IGSF3: variants seen among roughly 807,000 people sequenced by gnomAD.
The protein encoded by IGSF3 is glu-Trp-Ile EWI motif-containing protein 3.
In IGSF3, 23 loss-of-function variants were observed where a neutral mutation model predicts 114.4. That is an observed-to-expected ratio of 0.20 (90% CI 0.14 to 0.28). The LOEUF (loss-of-function observed/expected upper bound fraction) is 0.28, where lower values mean the gene tolerates loss of function less well. IGSF3 is among the 10% of genes least tolerant of loss of function. IGSF3 has a pLI of 1.00. For synonymous variants in IGSF3, 571 were observed against 645.2 expected, an observed-to-expected ratio of 0.88 and a Z score of 1.74; for missense variants, 1,172 against 1,591.5, an observed-to-expected ratio of 0.74 and a Z score of 4.48.
At chr1:116,639,683 A>G (rs956321583) in intron 2 of IGSF3, among the ~76,000 whole-genome samples, 3 of 152,260 alleles carry the variant, frequency 2.0e-5, no homozygotes, top group African/African-American at 7.2e-5. Flanking sequence ...TTTTCTAGCT[A>G]TAAGTGTCTG....
At chr1:116,622,341 T>C (rs1661450186) in intron 2 of IGSF3, among the ~76,000 whole-genome samples, 1 of 152,204 alleles carries the variant, frequency 6.6e-6, no homozygotes, top group Non-Finnish European at 1.5e-5. Flanking sequence ...TAAAATTTTA[T>C]CTCATTTCTG....
In IGSF3 at chr1:116,654,403, G is replaced by C. The variant is rs886218809; in HGVS notation, c.43+11881C>G. 6.6e-6 allele frequency among the ~76,000 whole-genome samples: 1 copy of C among 152,250 alleles called. No individual in the cohort carries two copies. Among genetic ancestry groups the C allele is most frequent in the Admixed American group, 6.5e-5 (1 of 15,288 alleles). ...CACCAGTGTCTCTGAGAAAAGTGCA[G>C]ATCAATGCCTCCTTAGGGTTAACCC... On this transcript the variant is annotated intron_variant, in intron 2 of 10. Transcript: ENST00000369486. This position sits in a 1 kb window ranked among gnomAD's most constrained non-coding sequence, Gnocchi z 4.4.
At chr1:116,630,149 C>T (rs566050128) in intron 2 of IGSF3, among the ~76,000 whole-genome samples, 8 of 152,220 alleles carry the variant, frequency 5.3e-5, no homozygotes, top group Non-Finnish European at 5.9e-5. Context: ...TTTGAACATT[C>T]GCTACAGGCT....
Position 116,648,342 on chromosome 1 carries a change from TAG to T in IGSF3, c.43+17940_43+17941del, listed in dbSNP as rs1201062112. Reference sequence around the variant, plus strand: ...GTCTGAAGGGTTTTCCTCTGGGTATTAGGAGTTGAGGTGTTCGGTTAGAGAAG... The same window carrying T: ...GTCTGAAGGGTTTTCCTCTGGGTATTGAGTTGAGGTGTTCGGTTAGAGAAG... On this transcript the variant is annotated intron_variant, in intron 2 of 10. Transcript: ENST00000369486. This position sits in a 1 kb window ranked among gnomAD's most constrained non-coding sequence, Gnocchi z 4.7. Among the ~76,000 whole-genome samples the T allele has an allele frequency of 6.6e-6, 1 of 152,130 alleles. No individual in the cohort carries two copies. The highest frequency in any genetic ancestry group is 1.5e-5 in the Non-Finnish European group (1 of 68,016).
chr1:116,641,676 G>A (rs189329127), intron 2 of IGSF3, among the ~76,000 whole-genome samples: 1 of 152,182 alleles, frequency 6.6e-6, no homozygotes, highest in Admixed American at 6.5e-5. Flanking sequence ...AGAGAGCAGA[G>A]CTGGCAGGAA....
rs1260226462 is a variant in IGSF3, at chr1:116,579,949, A to G, written c.2849-72T>C. The G allele has an allele frequency of 3.1e-6, 4 of 1,283,536 alleles. No individual in the cohort carries two copies. Among genetic ancestry groups the G allele is most frequent in the Non-Finnish European group, 4.2e-6 (4 of 941,536 alleles). The allele number at this position is 1,283,536 out of a possible 1,614,324, so 79.5% of individuals were successfully genotyped here. A position where few individuals can be genotyped will look rare whatever the true frequency, so the allele number is the denominator to read the frequency against. ...TTTGCTCAAAATAAACTAAATGTCC[A>G]TCATTAAACACATGATAGTAACATC... On this transcript the variant is annotated intron_variant, in intron 9 of 10. Coordinates refer to ENST00000369486, the MANE Select transcript of IGSF3 (RefSeq NM_001007237.3). This position sits in a 1 kb window ranked among gnomAD's most constrained non-coding sequence, Gnocchi z 6.4.
chr1:116,648,156 A>G lies in IGSF3; in HGVS notation c.43+18128T>C, dbSNP rs1448981417. Among the ~76,000 whole-genome samples, 1 of 152,192 alleles carries G rather than the reference A, an allele frequency of 6.6e-6. No homozygotes were observed. Among genetic ancestry groups the G allele is most frequent in the Non-Finnish European group, 1.5e-5 (1 of 68,036 alleles). Reference sequence around the variant, plus strand: ...CAAGAACGCAACAGCAGCAGCAAACACTGATCTGATGACACCCCAGTTTTG... The same window carrying G: ...CAAGAACGCAACAGCAGCAGCAAACGCTGATCTGATGACACCCCAGTTTTG... On this transcript the variant is annotated intron_variant, in intron 2 of 10. Coordinates refer to ENST00000369486, the MANE Select transcript of IGSF3 (RefSeq NM_001007237.3). The surrounding 1 kb of genome is among the most constrained non-coding windows in gnomAD (Gnocchi z 4.7).
At chr1:116,599,391 T>TACAC (rs35774720) in intron 7 of IGSF3, among the ~76,000 whole-genome samples, 2,803 of 148,202 alleles carry the variant, frequency 0.019, 60 homozygotes, top group East Asian at 0.063. Context: ...CACATACATA[T>TACAC]ACACACACAC....
chr1:116,590,042 G>GT (rs759001652), intron 7 of IGSF3, among the ~76,000 whole-genome samples: 3 of 152,066 alleles, frequency 2.0e-5, no homozygotes, highest in Non-Finnish European at 4.4e-5. Context: ...ACGGCAACAG[G>GT]TAATTAGAGG....
rs1321948652 is a variant in IGSF3 at position 116,657,002 on chromosome 1, T to A, written c.43+9282A>T. On this transcript the variant is annotated intron_variant, in intron 2 of 10. Coordinates refer to ENST00000369486, the MANE Select transcript of IGSF3 (RefSeq NM_001007237.3). This position sits in a 1 kb window ranked among gnomAD's most constrained non-coding sequence, Gnocchi z 4.2. ...CTACCTCCTGAAGTAGAAACCAGTA[T>A]CTCTTCATCTTACGTTTACATAATA... is the stretch of plus-strand genomic sequence containing the variant. Among the ~76,000 whole-genome samples the A allele has an allele frequency of 6.6e-6, 1 of 152,172 alleles. No homozygotes were observed. The highest frequency in any genetic ancestry group is 2.4e-5 in the African/African-American group (1 of 41,434).
chr1:116,608,077 T>A lies in IGSF3; in HGVS notation c.1087A>T (p.Ile363Phe), dbSNP rs375451086. 299 of 1,613,912 alleles carry A rather than the reference T, an allele frequency of 1.9e-4. 1 individual carries two copies. Among genetic ancestry groups the A allele is most frequent in the Non-Finnish European group, 2.4e-4 (279 of 1,179,846 alleles). ...KESDSVFVLK[I>F]YHLRQEDSGK... ...CTATCTTCCTGGCGGAGGTGGTAGATCTTCAGCACAAAGACACTGTCGCTC... is the reference window on the plus strand; with the variant it reads ...CTATCTTCCTGGCGGAGGTGGTAGAACTTCAGCACAAAGACACTGTCGCTC... The change falls in exon 5 of 11, where the codon ATC (isoleucine) becomes TTC (phenylalanine). Residue 363 changes from isoleucine (I) to phenylalanine (F), a missense_variant. Around this residue, in one of 3 missense-constraint regions of IGSF3, gnomAD observed 736 missense variants for 1,042.0 expected, o/e 0.71. Coordinates refer to ENST00000369486, the MANE Select transcript of IGSF3 (RefSeq NM_001007237.3).
chr1:116,607,881 C>T lies in IGSF3; in HGVS notation c.1222+61G>A. 2.0e-6 allele frequency: 3 copies of T among 1,527,030 alleles called. No homozygotes were observed. The South Asian group carries it at 3.6e-5, about 18-fold the overall frequency. 94.6% of individuals were successfully genotyped at this position (1,527,030 alleles called of 1,614,324 possible). A position where few individuals can be genotyped will look rare whatever the true frequency, so the allele number is the denominator to read the frequency against. On this transcript the variant is annotated intron_variant, in intron 5 of 10. Coordinates refer to ENST00000369486, the MANE Select transcript of IGSF3 (RefSeq NM_001007237.3). This position sits in a 1 kb window ranked among gnomAD's most constrained non-coding sequence, Gnocchi z 6.1. ...CCTTCACCACGCTATTCTCTCTCCCCCTACCTCTCCTAAATGATGCTGAGC... is the reference window on the plus strand; with the variant it reads ...CCTTCACCACGCTATTCTCTCTCCCTCTACCTCTCCTAAATGATGCTGAGC...
chr1:116,592,807 T>TCTGA lies in IGSF3; in HGVS notation c.2030-3707_2030-3704dup, dbSNP rs1660174125. Reference sequence around the variant, plus strand: ...TTCTAAGCATATGCAGGGCAGGGACTCTGACCCAATCATTGTTAAACTAAT... The same window carrying TCTGA: ...TTCTAAGCATATGCAGGGCAGGGACTCTGACTGACCCAATCATTGTTAAACTAAT... On this transcript the variant is annotated intron_variant, in intron 7 of 10. Transcript: ENST00000369486. The surrounding 1 kb of genome is among the most constrained non-coding windows in gnomAD (Gnocchi z 4.5). Among the ~76,000 whole-genome samples the TCTGA allele has an allele frequency of 4.6e-5, 7 of 152,358 alleles. No individual in the cohort carries two copies. The South Asian group carries it at 1.0e-3, about 23-fold the overall frequency.
chr1:116,651,352 A>T lies in IGSF3; in HGVS notation c.43+14932T>A, dbSNP rs542915860. On this transcript the variant is annotated intron_variant, in intron 2 of 10. Coordinates refer to ENST00000369486, the MANE Select transcript of IGSF3 (RefSeq NM_001007237.3). This position sits in a 1 kb window ranked among gnomAD's most constrained non-coding sequence, Gnocchi z 4.4. ...TCTTTGGGCTACTGACAAGCACTCC[A>T]GACCCAAATACACATGCTCCCACCT... Among the ~76,000 whole-genome samples, 1 of 152,328 alleles carries T rather than the reference A, an allele frequency of 6.6e-6. No individual in the cohort carries two copies. Among genetic ancestry groups the T allele is most frequent in the East Asian group, 1.9e-4 (1 of 5,188 alleles).
chr1:116,663,249 C>A (rs1474253126), intron 2 of IGSF3, among the ~76,000 whole-genome samples: 1 of 152,122 alleles, frequency 6.6e-6, no homozygotes, highest in Non-Finnish European at 1.5e-5. Context: ...CTTACAGACA[C>A]AAATCCTATG....
Position 116,600,396 on chromosome 1 carries a change from G to A in IGSF3, c.1625-51C>T. On this transcript the variant is annotated intron_variant, in intron 6 of 10. Transcript: ENST00000369486. The surrounding 1 kb of genome is among the most constrained non-coding windows in gnomAD (Gnocchi z 5.5). ...CCAGAGGAGGCATGTGGCTTTCTCA[G>A]GGCAGTATGACATCAGCAATGGGGC... 6.7e-7 allele frequency: 1 copy of A among 1,499,730 alleles called. No individual in the cohort carries two copies. Among genetic ancestry groups the A allele is most frequent in the Non-Finnish European group, 9.1e-7 (1 of 1,095,788 alleles). The allele number at this position is 1,499,730 out of a possible 1,614,324, so 92.9% of individuals were successfully genotyped here.
chr1:116,666,460 G>A lies in IGSF3; in HGVS notation c.-134C>T. 1 of 828,442 alleles carries A rather than the reference G, an allele frequency of 1.2e-6. No individual in the cohort carries two copies. The allele number at this position is 828,442 out of a possible 1,614,324, so 51.3% of individuals were successfully genotyped here. A position where few individuals can be genotyped will look rare whatever the true frequency, so the allele number is the denominator to read the frequency against. On this transcript the variant is annotated 5_prime_UTR_variant, in exon 2 of 11. Coordinates refer to ENST00000369486, the MANE Select transcript of IGSF3 (RefSeq NM_001007237.3). ...GAACTTAACTCGGAAAATGGGAACA[G>A]ATTAAAAAGAAGAGATCAGAAGGAG...
chr1:116,595,348 C>G lies in IGSF3; in HGVS notation c.2029+4593G>C, dbSNP rs1372084372. Among the ~76,000 whole-genome samples, 1 of 152,058 alleles carries G rather than the reference C, an allele frequency of 6.6e-6. No individual in the cohort carries two copies. Among genetic ancestry groups the G allele is most frequent in the Non-Finnish European group, 1.5e-5 (1 of 68,010 alleles). On this transcript the variant is annotated intron_variant, in intron 7 of 10. Coordinates refer to ENST00000369486, the MANE Select transcript of IGSF3 (RefSeq NM_001007237.3). The surrounding 1 kb of genome is among the most constrained non-coding windows in gnomAD (Gnocchi z 4.2). ...CTTGGCACAGACAACAGGCAGAAGC[C>G]ACCTGGGATGGAAGAAGGAGAACCC...
At position 116,665,718 on chromosome 1, in the gene IGSF3, ATCTAAGCT is replaced by A. The variant is rs1331774602; in HGVS notation, c.43+558_43+565del. On this transcript the variant is annotated intron_variant, in intron 2 of 10. Coordinates refer to ENST00000369486, the MANE Select transcript of IGSF3 (RefSeq NM_001007237.3). This position sits in a 1 kb window ranked among gnomAD's most constrained non-coding sequence, Gnocchi z 4.0. ...AGGCTCTCCTTCTCCCAGAACTACGATCTAAGCTTCCTTGGTGAGGAGACACAGGACTA... is the reference window on the plus strand; with the variant it reads ...AGGCTCTCCTTCTCCCAGAACTACGATCCTTGGTGAGGAGACACAGGACTA... Among the ~76,000 whole-genome samples, 1 of 152,048 alleles carries A rather than the reference ATCTAAGCT, an allele frequency of 6.6e-6. No homozygotes were observed. The highest frequency in any genetic ancestry group is 2.4e-5 in the African/African-American group (1 of 41,372).
Sources: allele counts gnomAD v4.1 joint callset (sites outside exome capture counted in the v4.1 genomes callset), GRCh38; gene constraint gnomAD v4.1.1; regional missense constraint gnomAD v4.1.1; non-coding constraint Gnocchi (gnomAD v3.1); transcripts MANE v1.5; gene names NCBI Gene and HGNC (gene_info 2026-07-23, HGNC 2026-07-21).